LRRTM4: variants seen among roughly 807,000 people sequenced by gnomAD.
LRRTM4 encodes the protein leucine-rich repeat transmembrane neuronal protein 4.
Under a neutral mutation model 47.6 loss-of-function variants are expected in LRRTM4, and 25 were observed. That is an observed-to-expected ratio of 0.53 (90% CI 0.38 to 0.73). The LOEUF is 0.73. Ranked by LOEUF, LRRTM4 falls within the 30% of genes least tolerant of loss-of-function variation. The pLI is 0.00. For synonymous variants in LRRTM4, 311 were observed against 269.5 expected, an observed-to-expected ratio of 1.15 and a Z score of -1.51; for missense variants, 638 against 713.4, an observed-to-expected ratio of 0.89 and a Z score of 1.20.
chr2:77,103,685 T>C (rs1444458805), intron 3 of LRRTM4, among the ~76,000 whole-genome samples: 1 of 132,244 alleles, frequency 7.6e-6, no homozygotes, highest in Non-Finnish European at 1.5e-5. Context: ...CACATATATG[T>C]ATATATACAT....
intron 3 of LRRTM4, among the ~76,000 whole-genome samples, chr2:76,969,928 T>C (rs1328004939): frequency 1.3e-5 from 2 of 151,980 alleles, no homozygotes; most frequent in Admixed American, 6.6e-5. Flanking sequence ...ATGGTCTGTG[T>C]CTTCTTCAGA....
chr2:76,898,227 T>C (rs966714647), intron 3 of LRRTM4, among the ~76,000 whole-genome samples: 1 of 152,102 alleles, frequency 6.6e-6, no homozygotes, highest in African/African-American at 2.4e-5. Context: ...TGAGAGTGCT[T>C]TGACAAATTA....
At chr2:76,848,130 G>T (rs886436089) in intron 3 of LRRTM4, among the ~76,000 whole-genome samples, 1 of 151,980 alleles carries the variant, frequency 6.6e-6, no homozygotes, top group Non-Finnish European at 1.5e-5. Flanking sequence ...TTTGGGTTGC[G>T]GAGTGAAGGG....
intron 3 of LRRTM4, among the ~76,000 whole-genome samples, chr2:76,765,268 A>G (rs751710743): frequency 6.6e-6 from 1 of 152,190 alleles, no homozygotes; most frequent in Non-Finnish European, 1.5e-5. Context: ...GAAATTTTGC[A>G]TCAGGATGAA....
rs75868573 is a variant in LRRTM4, at chr2:76,904,659, G to A, written c.1552-155743C>T. Among the ~76,000 whole-genome samples, 523 of 152,248 alleles carry A rather than the reference G, an allele frequency of 3.4e-3. 4 individuals are homozygous for A. The highest frequency in any genetic ancestry group is 0.011 in the African/African-American group (450 of 41,546). On this transcript the variant is annotated intron_variant, in intron 3 of 3. Transcript: ENST00000409884. ...GAATCTGCATCAATGTTTTAGAAGC[G>A]TGTTGGCACATTGGAAAGAACACTG...
At chr2:77,270,592 A>G (rs1460653577) in intron 3 of LRRTM4, among the ~76,000 whole-genome samples, 2 of 152,212 alleles carry the variant, frequency 1.3e-5, no homozygotes, top group Non-Finnish European at 2.9e-5. Context: ...CTCTGTTACT[A>G]TTCTACTTCC....
intron 3 of LRRTM4, among the ~76,000 whole-genome samples, chr2:76,934,481 C>G (rs1573334173): frequency 6.6e-6 from 1 of 152,254 alleles, no homozygotes; most frequent in Non-Finnish European, 1.5e-5. Flanking sequence ...CTTTCTCACA[C>G]AGTTGTTGCA....
chr2:76,787,080 A>G (rs762115284), intron 3 of LRRTM4, among the ~76,000 whole-genome samples: 3 of 152,090 alleles, frequency 2.0e-5, no homozygotes, highest in Non-Finnish European at 4.4e-5. Context: ...TGTTATTAAT[A>G]TCTGGAGAAA....
intron 3 of LRRTM4, among the ~76,000 whole-genome samples, chr2:77,351,654 A>T (rs1317101699): frequency 4.7e-5 from 7 of 148,052 alleles, no homozygotes; most frequent in African/African-American, 1.8e-4. Context: ...AATGTGAATG[A>T]GTGTGTATAC....
chr2:77,240,441 A>G (rs900077397), intron 3 of LRRTM4, among the ~76,000 whole-genome samples: 3 of 151,974 alleles, frequency 2.0e-5, no homozygotes, highest in Non-Finnish European at 4.4e-5. Context: ...AAAGGTTTTT[A>G]TCTTCAAAAA....
rs114387783 is a variant in LRRTM4, at chr2:77,275,654, C to A, written c.1551+242664G>T. Among the ~76,000 whole-genome samples, 523 of 152,176 alleles carry A rather than the reference C, an allele frequency of 3.4e-3. 2 individuals are homozygous for A. The highest frequency in any genetic ancestry group is 0.012 in the African/African-American group (488 of 41,524). On this transcript the variant is annotated intron_variant, in intron 3 of 3. Coordinates refer to ENST00000409884, the MANE Select transcript of LRRTM4 (RefSeq NM_001134745.3). Reference sequence around the variant, plus strand: ...ATGCAAGGATTTAGGCTTCTAGGGACCTGCGATGTGTTCCTCTTCTGCTGG... The same window carrying A: ...ATGCAAGGATTTAGGCTTCTAGGGAACTGCGATGTGTTCCTCTTCTGCTGG...
At chr2:77,080,867 C>A (rs1002992782) in intron 3 of LRRTM4, among the ~76,000 whole-genome samples, 2 of 152,080 alleles carry the variant, frequency 1.3e-5, no homozygotes, top group Non-Finnish European at 2.9e-5. Context: ...TTACTTTGCT[C>A]CTGTTTCACC....
At chr2:77,516,748 A>G (rs1490212865) in intron 3 of LRRTM4, 3 of 966,728 alleles carry the variant, frequency 3.1e-6, no homozygotes, top group Admixed American at 6.2e-5. Flanking sequence ...ATCTGGGATT[A>G]CTTCTCTTAT....
chr2:77,204,969 A>C (rs1674078713), intron 3 of LRRTM4, among the ~76,000 whole-genome samples: 1 of 152,240 alleles, frequency 6.6e-6, no homozygotes, highest in Admixed American at 6.5e-5. Context: ...TGGAAGTATT[A>C]CCAAGTGAAA....
intron 3 of LRRTM4, among the ~76,000 whole-genome samples, chr2:77,255,887 A>T (rs1482266969): frequency 6.6e-6 from 1 of 152,116 alleles, no homozygotes; most frequent in African/African-American, 2.4e-5. Flanking sequence ...AAATAAACCC[A>T]AAGTATTAAG....
chr2:76,904,221 G>T (rs1007390344), intron 3 of LRRTM4, among the ~76,000 whole-genome samples: 1 of 152,194 alleles, frequency 6.6e-6, no homozygotes, highest in Non-Finnish European at 1.5e-5. Context: ...AAAGTAGCAT[G>T]TGACAACCTC....
At chr2:76,803,926 A>C (rs538705829) in intron 3 of LRRTM4, among the ~76,000 whole-genome samples, 65 of 152,326 alleles carry the variant, frequency 4.3e-4, no homozygotes, top group African/African-American at 1.5e-3. Context: ...CTAGCACGCA[A>C]CAAAAACTTG....
chr2:77,045,267 A>C (rs1679196185), intron 3 of LRRTM4, among the ~76,000 whole-genome samples: 1 of 151,946 alleles, frequency 6.6e-6, no homozygotes, highest in Non-Finnish European at 1.5e-5. Flanking sequence ...GAAAAATCTC[A>C]CAACAAATTC....
chr2:76,931,052 T>A (rs1301173256), intron 3 of LRRTM4, among the ~76,000 whole-genome samples: 1 of 152,126 alleles, frequency 6.6e-6, no homozygotes, highest in Non-Finnish European at 1.5e-5. Context: ...TGTTTAAAAT[T>A]TGTTTTACAG....
Sources: allele counts gnomAD v4.1 joint callset (sites outside exome capture counted in the v4.1 genomes callset), GRCh38; gene constraint gnomAD v4.1.1; transcripts MANE v1.5; gene names NCBI Gene and HGNC (gene_info 2026-07-23, HGNC 2026-07-21).